The following DOCK2 variants were observed in gnomAD, a reference collection of about 807,000 sequenced individuals.
DOCK2 encodes dedicator of cytokinesis 2, also known as dedicator of cytokinesis protein 2.
Under a neutral mutation model 248.9 loss-of-function variants are expected in DOCK2, and 87 were observed. That is an observed-to-expected ratio of 0.35 (90% CI 0.29 to 0.42). The LOEUF is 0.42. DOCK2 is among the 10% of genes least tolerant of loss of function. The pLI is 1.00. For synonymous variants in DOCK2, 805 were observed against 821.6 expected, an observed-to-expected ratio of 0.98 and a Z score of 0.35; for missense variants, 1,747 against 2,300.2, an observed-to-expected ratio of 0.76 and a Z score of 4.92.
In DOCK2 at chr5:169,643,789, C is replaced by T. The variant is rs115273723; in HGVS notation, c.43+6420C>T. On this transcript the variant is annotated intron_variant, in intron 1 of 51. Coordinates refer to ENST00000520908, the MANE Select transcript of DOCK2 (RefSeq NM_004946.3). ...TTGGAGACATAGGTGGACAGTATGA[C>T]GTGCACACTGTCACGGCACAGGGTC... Among the ~76,000 whole-genome samples the T allele has an allele frequency of 1.4e-3, 220 of 152,326 alleles. 1 individual carries two copies. The highest frequency in any genetic ancestry group is 5.1e-3 in the African/African-American group (210 of 41,580).
intron 33 of DOCK2, among the ~76,000 whole-genome samples, chr5:170,023,595 G>A (rs1024240784): frequency 3.9e-5 from 6 of 152,096 alleles, no homozygotes; most frequent in Admixed American, 6.5e-5. Context: ...AAGCTCTTTT[G>A]GGGGATGAAT....
At chr5:169,661,183 T>C (rs1040984497) in intron 2 of DOCK2, among the ~76,000 whole-genome samples, 1 of 152,180 alleles carries the variant, frequency 6.6e-6, no homozygotes, top group Non-Finnish European at 1.5e-5. Flanking sequence ...TGAGGCACTA[T>C]TATTCTCATT....
intron 44 of DOCK2, among the ~76,000 whole-genome samples, chr5:170,059,310 A>G (rs1261960288): frequency 6.6e-6 from 1 of 152,026 alleles, no homozygotes; most frequent in African/African-American, 2.4e-5. Context: ...TTTAATTCTC[A>G]TAGACCCCAG....
chr5:169,863,567 C>T (rs1329360264), intron 27 of DOCK2, among the ~76,000 whole-genome samples: 1 of 152,208 alleles, frequency 6.6e-6, no homozygotes, highest in Non-Finnish European at 1.5e-5. Context: ...TGCTGAAATC[C>T]TCTTTGAATT....
At position 170,019,085 on chromosome 5, in the gene DOCK2, C is replaced by T; in HGVS notation, c.3358C>T (p.Gln1120Ter). Residue 1120 changes from glutamine (Q) to a stop codon, truncating the protein, a stop_gained, in exon 33 of 52, where the codon CAA becomes TAA. Coordinates refer to ENST00000520908, the MANE Select transcript of DOCK2 (RefSeq NM_004946.3). LOFTEE classifies it high-confidence loss of function. The part of the protein sequence containing the change: ...IFFDMMLCEY[Q>*]RSGDFKKFEN... ...CTTCGACATGATGCTGTGTGAATAT[C>T]AAAGAAGTGGGGATTTCAAAAAGGT... is the stretch of plus-strand genomic sequence containing the variant. 6.2e-7 allele frequency: 1 copy of T among 1,614,022 alleles called. No individual in the cohort carries two copies. Among genetic ancestry groups the T allele is most frequent in the Non-Finnish European group, 8.5e-7 (1 of 1,179,938 alleles).
chr5:169,942,140 T>A (rs938616519), intron 27 of DOCK2, among the ~76,000 whole-genome samples: 3 of 152,252 alleles, frequency 2.0e-5, no homozygotes, highest in African/African-American at 7.2e-5. Flanking sequence ...GATTCTCTCA[T>A]TAAGATGTTG....
intron 26 of DOCK2, among the ~76,000 whole-genome samples, chr5:169,836,871 G>A (rs183978625): frequency 3.9e-5 from 6 of 152,264 alleles, no homozygotes; most frequent in Admixed American, 3.9e-4. Flanking sequence ...ATATAATTTG[G>A]TTTAGTGTTA....
intron 25 of DOCK2, among the ~76,000 whole-genome samples, chr5:169,765,719 G>A (rs886554675): frequency 2.6e-5 from 4 of 152,220 alleles, no homozygotes; most frequent in Non-Finnish European, 4.4e-5. Context: ...AAGAAGGGGG[G>A]AGAGAGGGAG....
intron 10 of DOCK2, 97 bp from the exon 11 acceptor site, chr5:169,698,277 C>A (rs1303321155): frequency 4.7e-6 from 6 of 1,281,198 alleles, no homozygotes; most frequent in Non-Finnish European, 6.7e-6. Flanking sequence ...CCCAGGCATC[C>A]CAGGCTCTAC....
intron 22 of DOCK2, among the ~76,000 whole-genome samples, chr5:169,727,636 C>T (rs1158134363): frequency 1.3e-5 from 2 of 152,190 alleles, no homozygotes; most frequent in African/African-American, 4.8e-5. Flanking sequence ...AGTAGGTGTA[C>T]ACACTAAGCT....
chr5:169,791,821 C>T (rs1056087508), intron 25 of DOCK2, among the ~76,000 whole-genome samples: 1 of 152,110 alleles, frequency 6.6e-6, no homozygotes, highest in Non-Finnish European at 1.5e-5. Flanking sequence ...AGTATGATGC[C>T]TAGGATCTAG....
intron 27 of DOCK2, among the ~76,000 whole-genome samples, chr5:169,872,009 G>T (rs541267127): frequency 1.8e-4 from 27 of 152,256 alleles, no homozygotes; most frequent in African/African-American, 5.5e-4. Context: ...CTCAGCAGTG[G>T]GTCCTGCTCT....
intron 34 of DOCK2, among the ~76,000 whole-genome samples, chr5:170,032,048 A>G (rs1188923254): frequency 7.3e-5 from 10 of 136,792 alleles, no homozygotes; most frequent in African/African-American, 3.0e-4. Context: ...TTTTTTTGAG[A>G]CGGAGTCTCG....
chr5:169,777,988 G>A lies in DOCK2; in HGVS notation c.2554+16363G>A, dbSNP rs920601343. Among the ~76,000 whole-genome samples the A allele has an allele frequency of 3.4e-4, 51 of 152,164 alleles. 2 individuals carry two copies. The highest frequency in any genetic ancestry group is 5.9e-5 in the Non-Finnish European group (4 of 68,028). ...TTTCTCAAATGAGAAGCTTGAATGA[G>A]GGGATACGTGAGCACACATTCCCTC... On this transcript the variant is annotated intron_variant, in intron 25 of 51. Transcript: ENST00000520908.
At chr5:170,011,164 G>T (rs1396492664) in intron 32 of DOCK2, among the ~76,000 whole-genome samples, 1 of 152,184 alleles carries the variant, frequency 6.6e-6, no homozygotes, top group Non-Finnish European at 1.5e-5. Context: ...ATTGAAGTGA[G>T]GTGGGAGACC....
chr5:170,055,437 G>C, intron 42 of DOCK2, 51 bp downstream of exon 42: 2 of 1,567,538 alleles, frequency 1.3e-6, no homozygotes, highest in Non-Finnish European at 1.8e-6. Flanking sequence ...AACCCATTGG[G>C]GCCACCAAAC....
At chr5:169,850,876 CT>C (rs760084120) in intron 27 of DOCK2, among the ~76,000 whole-genome samples, 5 of 152,160 alleles carry the variant, frequency 3.3e-5, no homozygotes, top group Non-Finnish European at 7.4e-5. Context: ...GAGAGGAAGG[CT>C]TGGTGCATTT....
At chr5:169,870,380 T>G (rs941871104) in intron 27 of DOCK2, among the ~76,000 whole-genome samples, 1 of 151,904 alleles carries the variant, frequency 6.6e-6, no homozygotes, top group South Asian at 2.1e-4. Context: ...AAACAGTGAG[T>G]AACAAATAGC....
intron 22 of DOCK2, among the ~76,000 whole-genome samples, chr5:169,746,977 A>G (rs2113687708): frequency 6.6e-6 from 1 of 152,336 alleles, no homozygotes; most frequent in Non-Finnish European, 1.5e-5. Context: ...TCATCCGACA[A>G]ACAGACAATG....
Sources: gnomAD v4.1 joint callset for allele counts (sites outside exome capture counted in the v4.1 genomes callset) on GRCh38, gnomAD v4.1.1 for gene constraint, MANE v1.5 for transcripts, NCBI Gene and HGNC (gene_info 2026-07-23, HGNC 2026-07-21) for gene names.